Variants in CAMTA1 observed in about 807,000 individuals in gnomAD.
CAMTA1 encodes the protein calmodulin-binding transcription activator 1.
In CAMTA1, 27 loss-of-function variants were observed where a neutral mutation model predicts 170.9. The ratio of observed to expected loss-of-function variants is 0.16; its 90% CI spans 0.12 to 0.22. The LOEUF is 0.22. Ranked by LOEUF, CAMTA1 falls within the 10% of genes least tolerant of loss-of-function variation. CAMTA1 has a pLI of 1.00. For missense variants in CAMTA1, 1,619 were observed against 2,217.2 expected (o/e 0.73, Z 5.42); for synonymous variants, 833 against 891.5 (o/e 0.93, Z 1.17).
intron 5 of CAMTA1, among the ~76,000 whole-genome samples, chr1:7,377,864 T>C (rs1019101112): frequency 1.3e-5 from 2 of 151,940 alleles, no homozygotes; most frequent in African/African-American, 2.4e-5. Context: ...GAGGTTGCAA[T>C]GAGCTGAGAC....
At chr1:6,907,438 G>A (rs1357823693) in intron 3 of CAMTA1, among the ~76,000 whole-genome samples, 1 of 152,156 alleles carries the variant, frequency 6.6e-6, no homozygotes, top group African/African-American at 2.4e-5. Flanking sequence ...AGTGTGAGTG[G>A]GTTGCTGCAG....
chr1:7,401,411 C>G (rs1028342852), intron 5 of CAMTA1, among the ~76,000 whole-genome samples: 1 of 152,216 alleles, frequency 6.6e-6, no homozygotes, highest in South Asian at 2.1e-4. Context: ...TATGGTAAGT[C>G]TTGAAATCAC....
chr1:7,330,060 G>A lies in CAMTA1; in HGVS notation c.438+80434G>A, dbSNP rs76856046. On this transcript the variant is annotated intron_variant, in intron 5 of 22. Coordinates refer to ENST00000303635, the MANE Select transcript of CAMTA1 (RefSeq NM_015215.4). ...CCCAACACTTTCTCTCGGGCTTCTAGGCAGGCAGCAGACATGGAGATAGGA... is the reference window on the plus strand; with the variant it reads ...CCCAACACTTTCTCTCGGGCTTCTAAGCAGGCAGCAGACATGGAGATAGGA... 9.0e-3 allele frequency among the ~76,000 whole-genome samples: 1,368 copies of A among 152,218 alleles called. 24 individuals are homozygous for A. Among genetic ancestry groups the A allele is most frequent in the African/African-American group, 0.031 (1,283 of 41,528 alleles).
At chr1:7,743,230 T>C (rs918017233) in intron 16 of CAMTA1, among the ~76,000 whole-genome samples, 1 of 152,166 alleles carries the variant, frequency 6.6e-6, no homozygotes, top group African/African-American at 2.4e-5. Flanking sequence ...ATTTATAAAA[T>C]TATCCACAAT....
At chr1:7,353,391 A>G (rs1431823294) in intron 5 of CAMTA1, among the ~76,000 whole-genome samples, 1 of 150,538 alleles carries the variant, frequency 6.6e-6, no homozygotes, top group Non-Finnish European at 1.5e-5. Flanking sequence ...CCCAAACTTA[A>G]TACAACCAAA....
chr1:7,102,117 A>G (rs533596788), intron 4 of CAMTA1, among the ~76,000 whole-genome samples: 1 of 151,500 alleles, frequency 6.6e-6, no homozygotes, highest in Non-Finnish European at 1.5e-5. Context: ...CTCTGGGAAA[A>G]TTTTTCTTCG....
At chr1:7,152,631 G>A (rs1234251309) in intron 4 of CAMTA1, among the ~76,000 whole-genome samples, 2 of 152,246 alleles carry the variant, frequency 1.3e-5, no homozygotes, top group African/African-American at 4.8e-5. Flanking sequence ...GAGAAGGGGA[G>A]GGTGCGCATT....
At chr1:7,102,459 C>T (rs1309729503) in intron 4 of CAMTA1, among the ~76,000 whole-genome samples, 1 of 152,042 alleles carries the variant, frequency 6.6e-6, no homozygotes, top group Non-Finnish European at 1.5e-5. Flanking sequence ...CCTTTACCTG[C>T]GATGGAATTG....
chr1:6,932,128 C>T lies in CAMTA1; in HGVS notation c.234+106918C>T, dbSNP rs76204157. 2.6e-5 allele frequency among the ~76,000 whole-genome samples: 4 copies of T among 152,296 alleles called. No homozygotes were observed. In the East Asian group the frequency reaches 5.8e-4, roughly 22 times the overall value. On this transcript the variant is annotated intron_variant, in intron 3 of 22. Coordinates refer to ENST00000303635, the MANE Select transcript of CAMTA1 (RefSeq NM_015215.4). ...ACCATCGCCAAATCAAGATAATGAA[C>T]GTACCCATCACCCCAGAAGTATCCT...
rs1296556707 is a variant in CAMTA1 at position 7,600,287 on chromosome 1, A to G, written c.511-40113A>G. Among the ~76,000 whole-genome samples the G allele has an allele frequency of 2.0e-5, 3 of 150,830 alleles. No homozygotes were observed. The East Asian group carries it at 5.8e-4, about 29-fold the overall frequency. On this transcript the variant is annotated intron_variant, in intron 6 of 22. Transcript: ENST00000303635. ...GAACCAGCCTTGCATCCCAGGGATG[A>G]AGCCCAGTTGATCATGGTGGATAAG...
chr1:6,955,886 C>A (rs539778379), intron 3 of CAMTA1, among the ~76,000 whole-genome samples: 8 of 152,248 alleles, frequency 5.3e-5, no homozygotes, highest in South Asian at 2.1e-4. Flanking sequence ...TTTTCTCCCG[C>A]GGGTCTTCCT....
In CAMTA1 at chr1:7,064,934, G is replaced by A. The variant is rs948061422; in HGVS notation, c.235-26370G>A. Among the ~76,000 whole-genome samples the A allele has an allele frequency of 2.6e-5, 4 of 152,156 alleles. No homozygotes were observed. The highest frequency in any genetic ancestry group is 9.7e-5 in the African/African-American group (4 of 41,422). On this transcript the variant is annotated intron_variant, in intron 3 of 22. Coordinates refer to ENST00000303635, the MANE Select transcript of CAMTA1 (RefSeq NM_015215.4). This position sits in a 1 kb window ranked among gnomAD's most constrained non-coding sequence, Gnocchi z 5.4. ...AGAAGAAGAGAAGAGGACAGCTTGG[G>A]GATGTCCCTCAGAGTTAGAACCAAC...
In CAMTA1 at chr1:7,019,974, G is replaced by A. The variant is rs148512396; in HGVS notation, c.235-71330G>A. ...AGAAATAAGTTGGGCTCCACCCTCA[G>A]AGTGGCAAGCATTGATGGTTTCTCA... On this transcript the variant is annotated intron_variant, in intron 3 of 22. Transcript: ENST00000303635. Among the ~76,000 whole-genome samples the A allele has an allele frequency of 3.9e-5, 6 of 152,364 alleles. No individual in the cohort carries two copies. In the East Asian group the frequency reaches 1.2e-3, roughly 29 times the overall value.
At chr1:7,292,030 T>C (rs755758448) in intron 5 of CAMTA1, among the ~76,000 whole-genome samples, 1 of 152,236 alleles carries the variant, frequency 6.6e-6, no homozygotes, top group Non-Finnish European at 1.5e-5. Context: ...ACGTTTATAT[T>C]GAATATTTTA....
chr1:7,336,801 T>A (rs2083411074), intron 5 of CAMTA1, among the ~76,000 whole-genome samples: 1 of 152,096 alleles, frequency 6.6e-6, no homozygotes, highest in Non-Finnish European at 1.5e-5. Flanking sequence ...CCACTGGGCC[T>A]CCTTCACAGA....
intron 11 of CAMTA1, among the ~76,000 whole-genome samples, chr1:7,719,749 A>T (rs1452995570): frequency 1.1e-4 from 16 of 152,178 alleles, no homozygotes; most frequent in Admixed American, 1.0e-3. Flanking sequence ...GGCACCATTT[A>T]TTCTGGGAGG....
chr1:6,899,858 A>G (rs1676552847), intron 3 of CAMTA1, among the ~76,000 whole-genome samples: 1 of 152,206 alleles, frequency 6.6e-6, no homozygotes, highest in Non-Finnish European at 1.5e-5. Flanking sequence ...GTTTCTGTGT[A>G]CTTTAGTAAT....
At chr1:7,751,719 GAAA>G (rs35029804) in intron 20 of CAMTA1, among the ~76,000 whole-genome samples, 1 of 144,912 alleles carries the variant, frequency 6.9e-6, no homozygotes, top group Non-Finnish European at 1.5e-5. Context: ...TCCTGTTTAG[GAAA>G]AAAAAAAAAA....
chr1:7,601,621 A>G (rs1195908171), intron 6 of CAMTA1, among the ~76,000 whole-genome samples: 7 of 152,214 alleles, frequency 4.6e-5, no homozygotes, highest in African/African-American at 1.7e-4. Flanking sequence ...GCGAGCCGAG[A>G]TCACGCCACT....
Sources: gnomAD v4.1 joint callset for allele counts (sites outside exome capture counted in the v4.1 genomes callset) on GRCh38, gnomAD v4.1.1 for gene constraint, Gnocchi (gnomAD v3.1) non-coding constraint, MANE v1.5 for transcripts, NCBI Gene and HGNC (gene_info 2026-07-23, HGNC 2026-07-21) for gene names.